The following DYRK4 variants were observed in gnomAD, a reference collection of about 807,000 sequenced individuals.
The protein encoded by DYRK4 is dual specificity tyrosine phosphorylation regulated kinase 4.
In DYRK4, 64 loss-of-function variants were observed where a neutral mutation model predicts 68.3. That is an observed-to-expected ratio of 0.94 (90% CI 0.77 to 1.15). The LOEUF (loss-of-function observed/expected upper bound fraction) is 1.15. Ranked by LOEUF, DYRK4 falls within the 50% of genes most tolerant of loss-of-function variation. The pLI is 0.00. For missense variants in DYRK4, 740 were observed against 764.7 expected (o/e 0.97, Z 0.38); for synonymous variants, 274 against 289.9 (o/e 0.95, Z 0.56).
chr12:4,606,933 T>A (rs1945158898), intron 11 of DYRK4, among the ~76,000 whole-genome samples: 1 of 152,252 alleles, frequency 6.6e-6, no homozygotes, highest in African/African-American at 2.4e-5. Context: ...TGTCTGATGC[T>A]CATCCGGTGA....
chr12:4,581,766 C>T (rs1030517079), intron 2 of DYRK4, among the ~76,000 whole-genome samples: 15 of 152,142 alleles, frequency 9.9e-5, no homozygotes, highest in Non-Finnish European at 2.2e-4. Context: ...CCTGTCCTTC[C>T]CTCTCACCTT....
At chr12:4,592,916 G>A in intron 5 of DYRK4, 86 bp from the exon 6 acceptor site, 1 of 1,520,418 alleles carries the variant, frequency 6.6e-7, no homozygotes, top group South Asian at 1.3e-5. Context: ...GATGGCTCGT[G>A]ACCTGGAAGG....
intron 2 of DYRK4, among the ~76,000 whole-genome samples, chr12:4,585,634 G>T (rs946978998): frequency 3.3e-5 from 5 of 152,112 alleles, no homozygotes; most frequent in Admixed American, 6.5e-5. Flanking sequence ...GTTGTGGGGT[G>T]GGGGGAGCGG....
chr12:4,574,987 A>C (rs4766254), intron 2 of DYRK4, among the ~76,000 whole-genome samples: 2 of 152,114 alleles, frequency 1.3e-5, no homozygotes, highest in East Asian at 3.9e-4. Context: ...CCCAAAGTGC[A>C]GGGATCATAG....
intron 1 of DYRK4, among the ~76,000 whole-genome samples, 163 bp downstream of exon 1, chr12:4,562,446 G>A (rs7305896): frequency 0.29 from 44,411 of 152,016 alleles, 6,578 homozygotes; most frequent in African/African-American, 0.35. Flanking sequence ...TGTGGTGCGC[G>A]GACAAGAAAA....
At chr12:4,562,423 G>C in intron 1 of DYRK4, 140 bp downstream of exon 1, 1 of 1,129,252 alleles carries the variant, frequency 8.9e-7, no homozygotes, top group Non-Finnish European at 1.2e-6. Flanking sequence ...ATGTGGGTCA[G>C]AGAGAGGCGG....
At chr12:4,599,928 T>C in intron 10 of DYRK4, 140 bp downstream of exon 10, 1 of 669,262 alleles carries the variant, frequency 1.5e-6, no homozygotes, top group Non-Finnish European at 2.6e-6. Flanking sequence ...TTCGCTTCTC[T>C]GAGCCCAAGT....
intron 2 of DYRK4, among the ~76,000 whole-genome samples, chr12:4,579,948 C>T (rs908433317): frequency 6.6e-6 from 1 of 152,154 alleles, no homozygotes. Flanking sequence ...AGAGGGCTTA[C>T]GTTCTAGACG....
chr12:4,587,567 G>A (rs1461094937), intron 2 of DYRK4, among the ~76,000 whole-genome samples: 1 of 152,208 alleles, frequency 6.6e-6, no homozygotes, highest in East Asian at 1.9e-4. Context: ...GAGAAATTGA[G>A]ACTCTGAGAT....
At chr12:4,588,453 C>T (rs1944919395) in intron 2 of DYRK4, among the ~76,000 whole-genome samples, 2 of 152,202 alleles carry the variant, frequency 1.3e-5, no homozygotes, top group Admixed American at 1.3e-4. Flanking sequence ...TTCTCCTCAC[C>T]CTTCTAGGCG....
At chr12:4,597,383 T>G (rs568056038) in intron 8 of DYRK4, among the ~76,000 whole-genome samples, 12 of 152,356 alleles carry the variant, frequency 7.9e-5, no homozygotes, top group African/African-American at 2.9e-4. Context: ...TTTAGCGAGC[T>G]GGTAGCTCAC....
At position 4,573,852 on chromosome 12, in the gene DYRK4, A is replaced by G. The variant is rs149729549; in HGVS notation, c.132+5804A>G. On this transcript the variant is annotated intron_variant, in intron 2 of 14. Coordinates refer to ENST00000543431, the MANE Select transcript of DYRK4 (RefSeq NM_001394779.1). ...TATTATTGTGTTGAGTATATATAAAATAATATTAAAGAAATATGTGTAAGG... is the reference window on the plus strand; with the variant it reads ...TATTATTGTGTTGAGTATATATAAAGTAATATTAAAGAAATATGTGTAAGG... Among the ~76,000 whole-genome samples the G allele has an allele frequency of 8.0e-3, 1,216 of 152,348 alleles. 17 individuals are homozygous for G. The highest frequency in any genetic ancestry group is 0.027 in the African/African-American group (1,136 of 41,574).
chr12:4,604,314 C>G (rs1945115036), intron 10 of DYRK4, among the ~76,000 whole-genome samples: 1 of 152,152 alleles, frequency 6.6e-6, no homozygotes, highest in Non-Finnish European at 1.5e-5. Context: ...TGACAATAAC[C>G]AATTTAAACA....
chr12:4,595,465 A>T (rs1322934096), intron 6 of DYRK4, among the ~76,000 whole-genome samples: 1 of 152,174 alleles, frequency 6.6e-6, no homozygotes. Context: ...TTAATAGAAA[A>T]TTTCCTGTGG....
intron 2 of DYRK4, among the ~76,000 whole-genome samples, chr12:4,584,231 G>A (rs982871681): frequency 6.6e-6 from 1 of 152,206 alleles, no homozygotes; most frequent in Non-Finnish European, 1.5e-5. Context: ...TCTACTGCTA[G>A]GGAGGCTGGA....
chr12:4,598,979 T>G, intron 8 of DYRK4, 49 bp from the exon 9 acceptor site: 2 of 1,606,498 alleles, frequency 1.2e-6, no homozygotes, highest in Non-Finnish European at 1.7e-6. Flanking sequence ...AAACTCAGCC[T>G]TATATGTTTT....
At chr12:4,602,533 C>A (rs1291232530) in intron 10 of DYRK4, 2 of 1,184,624 alleles carry the variant, frequency 1.7e-6, no homozygotes, top group Non-Finnish European at 2.5e-6. Flanking sequence ...TATAAGCCAA[C>A]TTATAAGTGG....
chr12:4,575,299 C>CTGTGTGTGTGTG (rs35874260), intron 2 of DYRK4, among the ~76,000 whole-genome samples: 6 of 148,862 alleles, frequency 4.0e-5, no homozygotes, highest in African/African-American at 9.9e-5. Flanking sequence ...CAATAACTTA[C>CTGTGTGTGTGTG]TGTGTGTGTG....
At chr12:4,575,117 A>AC (rs1356913571) in intron 2 of DYRK4, among the ~76,000 whole-genome samples, 1 of 152,228 alleles carries the variant, frequency 6.6e-6, no homozygotes. Context: ...CAGGAGGGGA[A>AC]CCGCTGGGTA....
Sources: allele counts gnomAD v4.1 joint callset (sites outside exome capture counted in the v4.1 genomes callset), GRCh38; gene constraint gnomAD v4.1.1; transcripts MANE v1.5; gene names NCBI Gene and HGNC (gene_info 2026-07-23, HGNC 2026-07-21).